Variants in RUFY3 observed in about 807,000 individuals in gnomAD.
RUFY3 encodes the protein RUN and FYVE domain containing 3, also known as protein RUFY3.
RUFY3 carries 34 observed loss-of-function variants against 84.0 expected under a neutral mutation model. The observed-to-expected ratio is 0.40, with a 90% CI of 0.31 to 0.54. RUFY3 has a LOEUF of 0.54. RUFY3 is among the 20% of genes least tolerant of loss of function. RUFY3 has a pLI of 0.39. For synonymous variants in RUFY3, 242 were observed against 252.9 expected, an observed-to-expected ratio of 0.96 and a Z score of 0.41; for missense variants, 507 against 736.8, an observed-to-expected ratio of 0.69 and a Z score of 3.61.
intron 8 of RUFY3, among the ~76,000 whole-genome samples, 167 bp from the exon 9 acceptor site, chr4:70,782,923 GA>G (rs1274480898): frequency 6.6e-6 from 1 of 151,966 alleles, no homozygotes; most frequent in Non-Finnish European, 1.5e-5. Flanking sequence ...GAAAAATAAA[GA>G]AAAATATTTC....
At chr4:70,789,062 A>G in intron 11 of RUFY3, 89 bp downstream of exon 11, 1 of 1,505,288 alleles carries the variant, frequency 6.6e-7, no homozygotes, top group South Asian at 1.3e-5. Context: ...TCACACTTTA[A>G]TTACAAGAGG....
chr4:70,783,213 A>C (rs1035339737), intron 9 of RUFY3, 30 bp downstream of exon 9: 10 of 1,375,990 alleles, frequency 7.3e-6, no homozygotes, highest in Non-Finnish European at 1.0e-5. Flanking sequence ...TAAAATATTC[A>C]CTGAGAGCAT....
chr4:70,754,133 G>A (rs1723592985), intron 1 of RUFY3, among the ~76,000 whole-genome samples: 1 of 151,786 alleles, frequency 6.6e-6, no homozygotes, highest in Non-Finnish European at 1.5e-5. Context: ...GCTCACTGCA[G>A]TTTCTGCCTG....
chr4:70,791,104 A>G, intron 12 of RUFY3: 2 of 581,054 alleles, frequency 3.4e-6, no homozygotes, highest in South Asian at 2.3e-5. Context: ...GCAAACAGAA[A>G]GAGAATAATG....
At chr4:70,729,509 C>T (rs1452670316) in intron 1 of RUFY3, among the ~76,000 whole-genome samples, 1 of 152,178 alleles carries the variant, frequency 6.6e-6, no homozygotes, top group Non-Finnish European at 1.5e-5. Flanking sequence ...CTGCCCACCT[C>T]TGTCTCCCAA....
upstream of RUFY3, among the ~76,000 whole-genome samples, chr4:70,720,111 G>T (rs1431517236): frequency 6.6e-6 from 1 of 151,178 alleles, no homozygotes; most frequent in Non-Finnish European, 1.5e-5. Context: ...GAGTGCAGTG[G>T]TATGATCTCG....
At position 70,705,074 on chromosome 4, in the gene RUFY3, GCCGCCGGCCTCCC is replaced by G. The variant is rs753933204; in HGVS notation, c.146_158del (p.Ala49GlyfsTer52). 1 of 1,295,100 alleles carries G rather than the reference GCCGCCGGCCTCCC, an allele frequency of 7.7e-7. No individual in the cohort carries two copies. The highest frequency in any genetic ancestry group is 2.3e-5 in the South Asian group (1 of 42,648). 80.2% of individuals were successfully genotyped at this position (1,295,100 alleles called of 1,614,324 possible). On this transcript the variant is annotated frameshift_variant, in exon 1 of 12. Transcript: ENST00000417478. LOFTEE classifies it high-confidence loss of function. ...CGGACCGAGAGGGCGAGGCGGGGCC[GCCGCCGGCCTCCC>G]CCGCCGGGCAGTCGGAGCCCGACTC...
chr4:70,778,740 G>A (rs1052951698), intron 8 of RUFY3, among the ~76,000 whole-genome samples: 9 of 151,538 alleles, frequency 5.9e-5, no homozygotes, highest in Admixed American at 1.3e-4. Flanking sequence ...CCACCACCCC[G>A]GCTAATTTTG....
intron 8 of RUFY3, among the ~76,000 whole-genome samples, chr4:70,781,717 C>T (rs1158443669): frequency 6.6e-6 from 1 of 152,142 alleles, no homozygotes; most frequent in African/African-American, 2.4e-5. Context: ...CAGGCCTGCC[C>T]CCAGAAAGCA....
chr4:70,726,230 A>G (rs1244440017), intron 1 of RUFY3, among the ~76,000 whole-genome samples: 1 of 152,214 alleles, frequency 6.6e-6, no homozygotes, highest in Non-Finnish European at 1.5e-5. Context: ...AACATAAGGC[A>G]GTGCCTGGGA....
intron 1 of RUFY3, among the ~76,000 whole-genome samples, chr4:70,712,908 C>G (rs1741142911): frequency 6.6e-6 from 1 of 152,180 alleles, no homozygotes; most frequent in Non-Finnish European, 1.5e-5. Flanking sequence ...GAAACACACT[C>G]CCTACTTTGT....
At chr4:70,763,276 C>T (rs73824887) in intron 2 of RUFY3, among the ~76,000 whole-genome samples, 4,102 of 152,040 alleles carry the variant, frequency 0.027, 80 homozygotes, top group Middle Eastern at 0.054. Context: ...TCATTAATAC[C>T]ACACAATTTT....
intron 1 of RUFY3, among the ~76,000 whole-genome samples, chr4:70,738,356 CTTTT>C (rs60916183): frequency 1.7e-5 from 1 of 60,538 alleles, no homozygotes. Context: ...GGTGTTTCAT[CTTTT>C]TTTTTTTTTT....
intron 9 of RUFY3, among the ~76,000 whole-genome samples, chr4:70,783,494 C>T (rs901894175): frequency 1.3e-5 from 2 of 152,190 alleles, no homozygotes; most frequent in Non-Finnish European, 2.9e-5. Context: ...CATACTATTA[C>T]TTTTATAGCA....
At chr4:70,776,340 T>C (rs78342725) in intron 7 of RUFY3, among the ~76,000 whole-genome samples, 12,912 of 152,302 alleles carry the variant, frequency 0.085, 893 homozygotes, top group East Asian at 0.2. Flanking sequence ...CCTTTTATTT[T>C]GTTTTCATTG....
chr4:70,794,849 C>T lies in RUFY3; in HGVS notation c.1512C>T (p.Asp504=), dbSNP rs1237973726. Residue 504 remains aspartate, a synonymous_variant, in exon 14 of 18, where the codon GAC becomes GAT. Transcript: ENST00000381006. ...AAAAAGAAAGAAGATTACAAAACGA[C>T]AGGAGCATCCCAGGAAGGGGTTCCC... ...KQEKERRLQN[D]RSIPGRGSQK... 6.2e-7 allele frequency: 1 copy of T among 1,613,088 alleles called. No individual in the cohort carries two copies. Among genetic ancestry groups the T allele is most frequent in the African/African-American group, 1.3e-5 (1 of 74,866 alleles).
At chr4:70,712,863 A>G (rs1741137329) in intron 1 of RUFY3, among the ~76,000 whole-genome samples, 1 of 152,194 alleles carries the variant, frequency 6.6e-6, no homozygotes, top group Non-Finnish European at 1.5e-5. Context: ...AGGACATCAC[A>G]CCTATTACAT....
upstream of RUFY3, among the ~76,000 whole-genome samples, chr4:70,720,888 C>T (rs1474455795): frequency 1.4e-5 from 2 of 138,468 alleles, no homozygotes; most frequent in Non-Finnish European, 3.2e-5. Context: ...AATATAGGGC[C>T]GTGTGTGTGT....
At chr4:70,804,470 C>T in intron 17 of RUFY3, 54 bp downstream of exon 17, 1 of 1,452,556 alleles carries the variant, frequency 6.9e-7, no homozygotes, top group South Asian at 1.1e-5. Flanking sequence ...ACAGCAGCCC[C>T]CAGTCCCTCC....
Sources: allele counts gnomAD v4.1 joint callset (sites outside exome capture counted in the v4.1 genomes callset), GRCh38; gene constraint gnomAD v4.1.1; transcripts MANE v1.5; gene names NCBI Gene and HGNC (gene_info 2026-07-23, HGNC 2026-07-21).